TNRC6A: variants seen among roughly 807,000 people sequenced by gnomAD.
TNRC6A encodes trinucleotide repeat-containing gene 6A protein.
In TNRC6A, 44 loss-of-function variants were observed where a neutral mutation model predicts 221.2. That is an observed-to-expected ratio of 0.20 (90% CI 0.16 to 0.26). The LOEUF is 0.26. Ranked by LOEUF, TNRC6A falls within the 10% of genes least tolerant of loss-of-function variation. The pLI, the probability that TNRC6A is intolerant of heterozygous loss-of-function variation, is 1.00. For missense variants in TNRC6A, 2,199 were observed against 2,404.4 expected (o/e 0.91, Z 1.79); for synonymous variants, 847 against 838.5 (o/e 1.01, Z -0.18).
intron 2 of TNRC6A, among the ~76,000 whole-genome samples, chr16:24,708,342 G>A (rs1163716958): frequency 6.6e-6 from 1 of 151,496 alleles, no homozygotes; most frequent in African/African-American, 2.4e-5. Flanking sequence ...CCAGGTTCAC[G>A]CCATTCTCAG....
chr16:24,787,750 A>T (rs2058005672), intron 5 of TNRC6A, among the ~76,000 whole-genome samples: 1 of 152,192 alleles, frequency 6.6e-6, no homozygotes, highest in South Asian at 2.1e-4. Flanking sequence ...TCACTTTTCC[A>T]GACTGTTTCC....
intron 2 of TNRC6A, among the ~76,000 whole-genome samples, chr16:24,736,298 A>T (rs534738733): frequency 6.6e-6 from 1 of 152,348 alleles, no homozygotes; most frequent in East Asian, 1.9e-4. Flanking sequence ...GACATTGCAC[A>T]CCAAAGTATG....
chr16:24,740,215 T>G (rs997252903), intron 2 of TNRC6A, among the ~76,000 whole-genome samples: 4 of 152,238 alleles, frequency 2.6e-5, no homozygotes, highest in Admixed American at 2.0e-4. Flanking sequence ...GTATGAGCCT[T>G]CCTTCAAGAT....
intron 1 of TNRC6A, among the ~76,000 whole-genome samples, chr16:24,630,841 C>T (rs1192527825): frequency 6.6e-6 from 1 of 152,132 alleles, no homozygotes; most frequent in African/African-American, 2.4e-5. Context: ...TCTAAATGGC[C>T]CCAAGCCAGT....
At position 24,797,507 on chromosome 16, in the gene TNRC6A, A is replaced by G; in HGVS notation, c.3579A>G (p.Gly1193=). The G allele has an allele frequency of 6.2e-7, 1 of 1,610,952 alleles. No homozygotes were observed. Among genetic ancestry groups the G allele is most frequent in the Non-Finnish European group, 8.5e-7 (1 of 1,179,152 alleles). The change falls in exon 10 of 25, where the codon GGA becomes GGG. Residue 1193 remains glycine, a synonymous_variant. Coordinates refer to ENST00000395799, the MANE Select transcript of TNRC6A (RefSeq NM_014494.4). ...TTACAAAGGGAATGATGAAAGGTGGAAACAAACAAGAAGAAGCGTGGATAA... is the reference window on the plus strand; with the variant it reads ...TTACAAAGGGAATGATGAAAGGTGGGAACAAACAAGAAGAAGCGTGGATAA... ...RRRERGMMKG[G]NKQEEAWINP...
Position 24,730,287 on chromosome 16 carries a change from A to G in TNRC6A, c.40A>G (p.Arg14Gly). ...AGCTAAAGCTACCAAAGACGTAGAAAGAAATCTTAGCAGGTAAGATGGGCG... is the reference window on the plus strand; with the variant it reads ...AGCTAAAGCTACCAAAGACGTAGAAGGAAATCTTAGCAGGTAAGATGGGCG... ...LEAKATKDVE[R>G]NLSRDLVQEE... The change falls in exon 2 of 25, where the codon AGA (arginine) becomes GGA (glycine). Residue 14 changes from arginine (R) to glycine (G), a missense_variant. Arg to Gly is a moderately radical substitution (Grantham distance 125). Transcript: ENST00000395799. 6.2e-7 allele frequency: 1 copy of G among 1,603,590 alleles called. No homozygotes were observed. The highest frequency in any genetic ancestry group is 8.5e-7 in the Non-Finnish European group (1 of 1,176,044).
At chr16:24,687,884 C>CAAGA (rs2055668501) in intron 2 of TNRC6A, among the ~76,000 whole-genome samples, 1 of 111,974 alleles carries the variant, frequency 8.9e-6, no homozygotes, top group Non-Finnish European at 1.7e-5. Flanking sequence ...GAAGAAGAAG[C>CAAGA]AGCTTATTCC....
In TNRC6A at chr16:24,781,849, G is replaced by T. The variant is rs1484183045; in HGVS notation, c.589+4491G>T. 4.6e-5 allele frequency among the ~76,000 whole-genome samples: 7 copies of T among 150,910 alleles called. No homozygotes were observed. In the South Asian group the frequency reaches 1.0e-3, roughly 23 times the overall value. On this transcript the variant is annotated intron_variant, in intron 5 of 24. Transcript: ENST00000395799. ...ACTCTTTTTTTTTTTTTTTGAGATG[G>T]AGTCTCGCTGTTGCCCAGGCTGGAG... is the stretch of plus-strand genomic sequence containing the variant.
At chr16:24,784,155 C>T (rs1376369951) in intron 5 of TNRC6A, among the ~76,000 whole-genome samples, 1 of 152,088 alleles carries the variant, frequency 6.6e-6, no homozygotes, top group African/African-American at 2.4e-5. Flanking sequence ...GGGCCTGTTA[C>T]CACACCCGGT....
intron 21 of TNRC6A, chr16:24,819,507 C>CTTTTTTTTTTTTTTTTTTTTTTTTTTT (rs71383722): frequency 2.4e-5 from 2 of 82,020 alleles, no homozygotes; most frequent in African/African-American, 4.7e-5. Context: ...CTTTTTCTTT[C>CTTTTTTTTTTTTTTTTTTTTTTTTTTT]TTTTTTTTTT....
chr16:24,660,785 A>G (rs1376181337), intron 2 of TNRC6A, among the ~76,000 whole-genome samples: 1 of 116,578 alleles, frequency 8.6e-6, no homozygotes, highest in Non-Finnish European at 1.6e-5. Flanking sequence ...TCTGTCGCCC[A>G]GGCTGGAGTG....
chr16:24,675,321 T>C (rs956573910), intron 2 of TNRC6A, among the ~76,000 whole-genome samples: 3 of 152,152 alleles, frequency 2.0e-5, no homozygotes, highest in Non-Finnish European at 4.4e-5. Flanking sequence ...GATTCTTAGA[T>C]AGTACGTGCC....
At position 24,777,108 on chromosome 16, in the gene TNRC6A, A is replaced by ACAGCCG. The variant is rs749232867; in HGVS notation, c.350_355dup (p.Pro117_Gln118dup). ...AGCAGCAGCAGCCACAGCAGCAGCC[A>ACAGCCG]CAGCCGCAGCCGCAGCAGCAGCAGC... On this transcript the variant is annotated inframe_insertion, in exon 5 of 25. Coordinates refer to ENST00000395799, the MANE Select transcript of TNRC6A (RefSeq NM_014494.4). The ACAGCCG allele has an allele frequency of 6.0e-5, 65 of 1,089,698 alleles. No homozygotes were observed. The highest frequency in any genetic ancestry group is 7.9e-5 in the Non-Finnish European group (61 of 767,780). The allele number at this position is 1,089,698 out of a possible 1,614,324, so 67.5% of individuals were successfully genotyped here.
chr16:24,797,134 A>C (rs761676298), intron 9 of TNRC6A, among the ~76,000 whole-genome samples: 11 of 152,120 alleles, frequency 7.2e-5, no homozygotes, highest in Non-Finnish European at 1.5e-4. Flanking sequence ...TTTGGTTTGG[A>C]GTGAGAATTC....
chr16:24,798,114 A>G (rs764852006), intron 11 of TNRC6A, 148 bp downstream of exon 11: 2 of 564,824 alleles, frequency 3.5e-6, no homozygotes, highest in Middle Eastern at 3.6e-4. Context: ...AAATGAGTGC[A>G]TGTGCCTTGA....
At chr16:24,732,746 T>C (rs1456056285) in intron 2 of TNRC6A, among the ~76,000 whole-genome samples, 1 of 152,198 alleles carries the variant, frequency 6.6e-6, no homozygotes, top group Non-Finnish European at 1.5e-5. Context: ...CATCACAGGA[T>C]GTTCAGCATC....
chr16:24,779,091 CTA>C (rs1393253802), intron 5 of TNRC6A, among the ~76,000 whole-genome samples: 1 of 152,124 alleles, frequency 6.6e-6, no homozygotes, highest in Non-Finnish European at 1.5e-5. Flanking sequence ...TCAAAAATAA[CTA>C]TGAGTCAAAA....
chr16:24,721,548 G>A (rs536559954), intron 2 of TNRC6A, among the ~76,000 whole-genome samples: 13 of 152,286 alleles, frequency 8.5e-5, no homozygotes, highest in Non-Finnish European at 1.8e-4. Context: ...CCTTATGCCT[G>A]TAATCCCAGC....
rs752945678 is a variant in TNRC6A at position 24,783,175 on chromosome 16, T to C, written c.589+5817T>C. On this transcript the variant is annotated intron_variant, in intron 5 of 24. Coordinates refer to ENST00000395799, the MANE Select transcript of TNRC6A (RefSeq NM_014494.4). ...AAACAGTCTCGCTCTGTTGCCCAGG[T>C]TGGAGTGCAGTGGTGCGATCTCTGC... Among the ~76,000 whole-genome samples, 5 of 152,020 alleles carry C rather than the reference T, an allele frequency of 3.3e-5. No homozygotes were observed. In the South Asian group the frequency reaches 1.0e-3, roughly 32 times the overall value.
Sources: allele counts gnomAD v4.1 joint callset (sites outside exome capture counted in the v4.1 genomes callset), GRCh38; gene constraint gnomAD v4.1.1; transcripts MANE v1.5; gene names NCBI Gene and HGNC (gene_info 2026-07-23, HGNC 2026-07-21).